TGFBRAP1: variants seen among roughly 807,000 people sequenced by gnomAD.
TGFBRAP1 encodes the protein transforming growth factor-beta receptor-associated protein 1.
In TGFBRAP1, 20 loss-of-function variants were observed where a neutral mutation model predicts 83.2. The ratio of observed to expected loss-of-function variants is 0.24; its 90% CI spans 0.17 to 0.35. The LOEUF (loss-of-function observed/expected upper bound fraction) is 0.35. TGFBRAP1 is among the 10% of genes least tolerant of loss of function. The probability of loss-of-function intolerance (pLI) is 1.00; values close to 1 mark genes in which losing one functional copy is unlikely to be tolerated. For missense variants in TGFBRAP1, 950 were observed against 1,099.4 expected, an observed-to-expected ratio of 0.86 and a Z score of 1.92; for synonymous variants, 415 against 459.8, an observed-to-expected ratio of 0.90 and a Z score of 1.25.
rs56983977 is a variant in TGFBRAP1, at chr2:105,278,068, A to ATGTGTG, written c.1464-403_1464-398dup. On this transcript the variant is annotated intron_variant, in intron 6 of 11. Coordinates refer to ENST00000393359, the MANE Select transcript of TGFBRAP1 (RefSeq NM_004257.6). ...AGTGAGACCCTGTCTCAAAAAATAT[A>ATGTGTG]TGTGTGTGTGTGTGTGTGTGTGTGT... 5.1e-3 allele frequency among the ~76,000 whole-genome samples: 741 copies of ATGTGTG among 145,484 alleles called. 3 individuals carry two copies. Among genetic ancestry groups the ATGTGTG allele is most frequent in the Non-Finnish European group, 5.3e-3 (356 of 66,726 alleles).
At chr2:105,267,660 T>A (rs1240413863) in intron 11 of TGFBRAP1, 101 bp from the exon 12 acceptor site, 1 of 1,525,480 alleles carries the variant, frequency 6.6e-7, no homozygotes, top group Non-Finnish European at 8.8e-7. Flanking sequence ...ACTCCATGGG[T>A]TATTATTATG....
At position 105,296,756 on chromosome 2, in the gene TGFBRAP1, C is replaced by CTTTTTT. The variant is rs60031957; in HGVS notation, c.884-252_884-247dup. Among the ~76,000 whole-genome samples, 18 of 73,226 alleles carry CTTTTTT rather than the reference C, an allele frequency of 2.5e-4. 1 individual carries two copies. The highest frequency in any genetic ancestry group is 3.6e-4 in the African/African-American group (7 of 19,508). 48.0% of individuals were successfully genotyped at this position (73,226 alleles called of 152,430 possible). On this transcript the variant is annotated intron_variant, in intron 3 of 11. Transcript: ENST00000393359. ...ATAATATCTTGCTTTCTTTTTTTGC[C>CTTTTTT]TTTTTTTTTTTTTTTTTTTTTTTTT...
At chr2:105,253,122 C>T in the TGFBRAP1 span, among the ~76,000 whole-genome samples, 1 of 151,378 alleles carries the variant, frequency 6.6e-6, no homozygotes, top group African/African-American at 2.4e-5. Flanking sequence ...TGAATAAATG[C>T]CCCTTAGTTT....
At position 105,267,266 on chromosome 2, in the gene TGFBRAP1, G is replaced by T; in HGVS notation, c.*117C>A. The T allele has an allele frequency of 7.3e-7, 1 of 1,368,096 alleles. No homozygotes were observed. The highest frequency in any genetic ancestry group is 9.8e-7 in the Non-Finnish European group (1 of 1,015,278). 84.7% of individuals were successfully genotyped at this position (1,368,096 alleles called of 1,614,324 possible). ...TTGCGTATGGACGGAAGGCTCCCTG[G>T]CACCCAGATGTCTCCCTTCGTCCTG... On this transcript the variant is annotated 3_prime_UTR_variant, in exon 12 of 12. Transcript: ENST00000393359.
rs534037021 is a variant in TGFBRAP1, at chr2:105,265,560, T to C, written c.*1823A>G. On this transcript the variant is annotated 3_prime_UTR_variant, in exon 12 of 12. Transcript: ENST00000393359. ...GCTTTTAATGGCGCAATGTTGCATA[T>C]ACGGGTAACTTGTTCTTTGAGAAAT... 1.3e-5 allele frequency: 2 copies of C among 152,816 alleles called. No homozygotes were observed. Among genetic ancestry groups the C allele is most frequent in the South Asian group, 4.1e-4 (2 of 4,832 alleles). The allele number at this position is 152,816 out of a possible 1,614,324, so 9.5% of individuals were successfully genotyped here.
chr2:105,305,847 G>T (rs1298229607), intron 2 of TGFBRAP1, among the ~76,000 whole-genome samples: 1 of 151,822 alleles, frequency 6.6e-6, no homozygotes, highest in African/African-American at 2.4e-5. Context: ...GTAGAGATAG[G>T]GTTTCACCTT....
At chr2:105,260,781 T>C (rs1280042654), downstream of TGFBRAP1, among the ~76,000 whole-genome samples, 2 of 152,126 alleles carry the variant, frequency 1.3e-5, no homozygotes, top group African/African-American at 4.8e-5. Context: ...ATAAAAAAAA[T>C]ACTATGAAAA....
intron 1 of TGFBRAP1, among the ~76,000 whole-genome samples, chr2:105,316,862 C>G (rs17689516): frequency 0.049 from 7,327 of 150,384 alleles, 212 homozygotes; most frequent in Middle Eastern, 0.078. Flanking sequence ...AAAAGTTAGA[C>G]ACTTATGAAA....
intron 2 of TGFBRAP1, among the ~76,000 whole-genome samples, chr2:105,301,025 A>C (rs1158125454): frequency 6.6e-6 from 1 of 152,022 alleles, no homozygotes; most frequent in Non-Finnish European, 1.5e-5. Flanking sequence ...GGAGTTCAAG[A>C]CCAGCCTGGG....
intron 1 of TGFBRAP1, among the ~76,000 whole-genome samples, chr2:105,327,899 C>G (rs1447248648): frequency 6.6e-6 from 1 of 152,188 alleles, no homozygotes; most frequent in African/African-American, 2.4e-5. Context: ...AACCTTGATG[C>G]ACATAGCAAA....
At chr2:105,293,800 G>A (rs2104365121) in intron 4 of TGFBRAP1, among the ~76,000 whole-genome samples, 1 of 152,252 alleles carries the variant, frequency 6.6e-6, no homozygotes, top group South Asian at 2.1e-4. Flanking sequence ...TGGAAGCTCT[G>A]AATTACTCAT....
chr2:105,262,318 T>C (rs761304328), downstream of TGFBRAP1, among the ~76,000 whole-genome samples: 2 of 152,118 alleles, frequency 1.3e-5, no homozygotes, highest in African/African-American at 2.4e-5. Flanking sequence ...TCTCACTCTG[T>C]TAGTTCACGT....
the TGFBRAP1 span, among the ~76,000 whole-genome samples, chr2:105,251,092 G>A: frequency 3.3e-5 from 5 of 152,290 alleles, no homozygotes; most frequent in African/African-American, 1.2e-4. Context: ...TGGAAAGTGA[G>A]GAGCATCTCT....
At chr2:105,312,335 C>A (rs1436205921) in intron 1 of TGFBRAP1, among the ~76,000 whole-genome samples, 1 of 151,996 alleles carries the variant, frequency 6.6e-6, no homozygotes, top group African/African-American at 2.4e-5. Context: ...TTAAAAAATT[C>A]ACTTTAAAAG....
In TGFBRAP1 at chr2:105,319,354, G is replaced by A. The variant is rs531593757; in HGVS notation, c.-18+10271C>T. ...TGCAATTACAGGCGTGAGCCACTGCGCCTGGCCAAGAGCAATATTTTAAGT... is the reference window on the plus strand; with the variant it reads ...TGCAATTACAGGCGTGAGCCACTGCACCTGGCCAAGAGCAATATTTTAAGT... On this transcript the variant is annotated intron_variant, in intron 1 of 11. Transcript: ENST00000393359. Among the ~76,000 whole-genome samples, 22 of 149,468 alleles carry A rather than the reference G, an allele frequency of 1.5e-4. No individual in the cohort carries two copies. The East Asian group carries it at 2.7e-3, about 19-fold the overall frequency.
chr2:105,253,334 T>C, the TGFBRAP1 span, among the ~76,000 whole-genome samples: 47 of 152,100 alleles, frequency 3.1e-4, no homozygotes, highest in Non-Finnish European at 4.4e-5. Context: ...GGTTTCACCA[T>C]GTTGGCCAGG....
At chr2:105,297,177 G>C (rs1678118225) in intron 3 of TGFBRAP1, among the ~76,000 whole-genome samples, 1 of 152,120 alleles carries the variant, frequency 6.6e-6, no homozygotes. Flanking sequence ...GATTAAAACT[G>C]GCTCCCTTCT....
At chr2:105,312,281 T>C (rs2104401784) in intron 1 of TGFBRAP1, among the ~76,000 whole-genome samples, 1 of 152,168 alleles carries the variant, frequency 6.6e-6, no homozygotes, top group South Asian at 2.1e-4. Flanking sequence ...GGGCAAAATA[T>C]TGAGACTTGG....
intron 8 of TGFBRAP1, 74 bp from the exon 9 acceptor site, chr2:105,273,764 C>A (rs1677240823): frequency 2.6e-6 from 4 of 1,538,990 alleles, no homozygotes; most frequent in South Asian, 1.2e-5. Flanking sequence ...TTGGTCATTG[C>A]ACATTCAAGC....
Sources: allele counts gnomAD v4.1 joint callset (sites outside exome capture counted in the v4.1 genomes callset), GRCh38; gene constraint gnomAD v4.1.1; transcripts MANE v1.5; gene names NCBI Gene and HGNC (gene_info 2026-07-23, HGNC 2026-07-21).